The following CNBD1 variants were observed in gnomAD, a reference collection of about 807,000 sequenced individuals.
CNBD1 encodes the protein cyclic nucleotide-binding domain-containing protein 1.
A neutral mutation model predicts 54.4 loss-of-function variants in CNBD1; 71 were observed. The observed-to-expected ratio is 1.30, with a 90% CI of 1.08 to 1.59. The LOEUF (loss-of-function observed/expected upper bound fraction) is 1.59, where lower values mean the gene tolerates loss of function less well. Among genes scored for constraint, CNBD1 ranks in the 40% most tolerant of loss-of-function variants. CNBD1 has a pLI of 0.00. For missense variants in CNBD1, 659 were observed against 518.0 expected, an observed-to-expected ratio of 1.27 and a Z score of -2.64; for synonymous variants, 182 against 170.7, an observed-to-expected ratio of 1.07 and a Z score of -0.51.
intron 8 of CNBD1, among the ~76,000 whole-genome samples, chr8:87,333,940 A>G (rs1809888429): frequency 6.6e-6 from 1 of 152,144 alleles, no homozygotes; most frequent in Non-Finnish European, 1.5e-5. Flanking sequence ...TCCTGAAAGA[A>G]TGGTACCAGC....
At chr8:86,992,593 G>T (rs1586185252) in intron 4 of CNBD1, among the ~76,000 whole-genome samples, 1 of 151,852 alleles carries the variant, frequency 6.6e-6, no homozygotes, top group Admixed American at 6.6e-5. Flanking sequence ...GTGTCCTTGT[G>T]GTAGCAAGTG....
intron 5 of CNBD1, among the ~76,000 whole-genome samples, chr8:87,231,817 G>C (rs1807442882): frequency 1.3e-5 from 2 of 152,002 alleles, no homozygotes. Flanking sequence ...TACCTTAAAT[G>C]TATCACTTGA....
chr8:87,291,337 T>A lies in CNBD1; in HGVS notation c.1042+4666T>A, dbSNP rs562556409. On this transcript the variant is annotated intron_variant, in intron 8 of 10. Coordinates refer to ENST00000518476, the MANE Select transcript of CNBD1 (RefSeq NM_173538.3). ...TTACCCCTCATTTCAGTATATTTAC[T>A]ATTGTTAAGATAATGTTTTCTGGAC... is the stretch of plus-strand genomic sequence containing the variant. Among the ~76,000 whole-genome samples, 9 of 152,308 alleles carry A rather than the reference T, an allele frequency of 5.9e-5. No individual in the cohort carries two copies. In the South Asian group the frequency reaches 1.9e-3, roughly 32 times the overall value.
intron 6 of CNBD1, among the ~76,000 whole-genome samples, chr8:87,239,553 G>A (rs779496838): frequency 2.0e-4 from 30 of 151,940 alleles, no homozygotes; most frequent in Non-Finnish European, 3.4e-4. Context: ...ACAGAGAACC[G>A]AACAACTAAG....
At chr8:87,121,015 T>C (rs1296902432) in intron 4 of CNBD1, among the ~76,000 whole-genome samples, 1 of 151,960 alleles carries the variant, frequency 6.6e-6, no homozygotes, top group Non-Finnish European at 1.5e-5. Flanking sequence ...AATATTTTAC[T>C]ATCTGGGCAT....
At position 87,292,242 on chromosome 8, in the gene CNBD1, T is replaced by C. The variant is rs184197605; in HGVS notation, c.1042+5571T>C. 3.6e-3 allele frequency among the ~76,000 whole-genome samples: 548 copies of C among 152,340 alleles called. 7 individuals carry two copies. The highest frequency in any genetic ancestry group is 0.034 in the Middle Eastern group (10 of 294). On this transcript the variant is annotated intron_variant, in intron 8 of 10. Coordinates refer to ENST00000518476, the MANE Select transcript of CNBD1 (RefSeq NM_173538.3). ...AACCATTAATAATGCTGAAAGGCTA[T>C]ACTGTCTTAAACTCACAATCCTGAG...
intron 2 of CNBD1, among the ~76,000 whole-genome samples, chr8:87,406,477 CACTTTTTT>C (rs1563589752): frequency 2.0e-5 from 2 of 99,908 alleles, no homozygotes; most frequent in Admixed American, 9.1e-5. Context: ...CACACACACA[CACTTTTTT>C]TTTTTTTTTT....
rs1812962386 is a variant in CNBD1, at chr8:87,166,342, C to T, written c.432-39651C>T. 6.6e-6 allele frequency among the ~76,000 whole-genome samples: 1 copy of T among 151,832 alleles called. No homozygotes were observed. Among genetic ancestry groups the T allele is most frequent in the Non-Finnish European group, 1.5e-5 (1 of 67,884 alleles). On this transcript the variant is annotated intron_variant, in intron 4 of 10. Transcript: ENST00000518476. The surrounding 1 kb of genome is among the most constrained non-coding windows in gnomAD (Gnocchi z 4.3). ...CATTTTTACTGATGTCGCTTGTCTC[C>T]AGGTCACCATAGCTTCTCGCTTTGA...
At chr8:86,968,310 A>T (rs1373011433) in intron 4 of CNBD1, among the ~76,000 whole-genome samples, 1 of 152,144 alleles carries the variant, frequency 6.6e-6, no homozygotes, top group African/African-American at 2.4e-5. Flanking sequence ...TGAGGGCCTG[A>T]TAAGGTTCTG....
intron 1 of CNBD1, among the ~76,000 whole-genome samples, chr8:86,867,018 G>GA (rs1243194442): frequency 6.6e-6 from 1 of 151,520 alleles, no homozygotes; most frequent in African/African-American, 2.4e-5. Context: ...ATTTGACAAG[G>GA]AAAAAAAGAT....
At chr8:87,320,066 C>A (rs886694610) in intron 8 of CNBD1, among the ~76,000 whole-genome samples, 3 of 152,118 alleles carry the variant, frequency 2.0e-5, no homozygotes, top group East Asian at 3.9e-4. Flanking sequence ...ACCATCTGAA[C>A]AAAAATATAT....
intron 4 of CNBD1, among the ~76,000 whole-genome samples, chr8:87,197,461 T>C (rs1409487396): frequency 6.6e-6 from 1 of 152,192 alleles, no homozygotes; most frequent in East Asian, 1.9e-4. Context: ...GCTGATCATT[T>C]ACCAGAGTGT....
chr8:87,408,292 T>G (rs1807683557), intron 2 of CNBD1, among the ~76,000 whole-genome samples: 1 of 152,072 alleles, frequency 6.6e-6, no homozygotes, highest in African/African-American at 2.4e-5. Flanking sequence ...CTTCTTATGC[T>G]TCAAACTGAG....
At chr8:86,975,292 A>G (rs1353282244) in intron 4 of CNBD1, among the ~76,000 whole-genome samples, 1 of 151,972 alleles carries the variant, frequency 6.6e-6, no homozygotes, top group Non-Finnish European at 1.5e-5. Flanking sequence ...TGTACAATAC[A>G]TTATTATTAA....
intron 6 of CNBD1, among the ~76,000 whole-genome samples, chr8:87,255,040 C>T (rs116747427): frequency 3.3e-3 from 508 of 151,706 alleles, no homozygotes; most frequent in African/African-American, 0.011. Context: ...GGCCTATGTG[C>T]GAAAGAAGGG....
intron 4 of CNBD1, among the ~76,000 whole-genome samples, chr8:87,113,736 G>A (rs919436273): frequency 1.5e-4 from 23 of 151,998 alleles, no homozygotes; most frequent in African/African-American, 4.6e-4. Flanking sequence ...TGGCTAACAC[G>A]GTGAGACCCC....
At chr8:87,374,471 T>C (rs1027709753) in intron 10 of CNBD1, among the ~76,000 whole-genome samples, 4 of 151,880 alleles carry the variant, frequency 2.6e-5, no homozygotes, top group Admixed American at 1.3e-4. Context: ...AGACTATTAC[T>C]GAGGATTTTC....
chr8:87,246,519 T>C (rs780310229), intron 6 of CNBD1, among the ~76,000 whole-genome samples: 7 of 152,162 alleles, frequency 4.6e-5, no homozygotes, highest in Non-Finnish European at 1.0e-4. Context: ...GTTATCTAAA[T>C]TACTGCTAAT....
At chr8:86,875,019 T>TATA (rs576186127) in intron 1 of CNBD1, among the ~76,000 whole-genome samples, 4 of 128,504 alleles carry the variant, frequency 3.1e-5, no homozygotes, top group African/African-American at 1.1e-4. Flanking sequence ...TATATATATA[T>TATA]ATGTATTAAA....
Sources: allele counts gnomAD v4.1 joint callset (sites outside exome capture counted in the v4.1 genomes callset), GRCh38; gene constraint gnomAD v4.1.1; non-coding constraint Gnocchi (gnomAD v3.1); transcripts MANE v1.5; gene names NCBI Gene and HGNC (gene_info 2026-07-23, HGNC 2026-07-21).